Variants in IFRD1 observed in about 807,000 individuals in gnomAD.
IFRD1 encodes interferon related developmental regulator 1.
IFRD1 carries 35 observed loss-of-function variants against 52.9 expected under a neutral mutation model. That is an observed-to-expected ratio of 0.66 (90% CI 0.51 to 0.88). The LOEUF (loss-of-function observed/expected upper bound fraction) is 0.88. Ranked by LOEUF, IFRD1 falls within the 40% of genes least tolerant of loss-of-function variation. IFRD1 has a pLI of 0.00. For missense variants in IFRD1, 517 were observed against 550.8 expected (o/e 0.94, Z 0.61); for synonymous variants, 184 against 188.4 (o/e 0.98, Z 0.19).
Position 112,455,858 on chromosome 7 carries a change from G to A in IFRD1, c.190G>A (p.Ala64Thr), listed in dbSNP as rs1795278731. The change falls in exon 2 of 12, where the codon GCT becomes ACT. Residue 64 changes from alanine (A) to threonine (T), a missense_variant. Coordinates refer to ENST00000403825, the MANE Select transcript of IFRD1 (RefSeq NM_001550.4). ...CSGYSDPSSF[A>T]EDGPEVLDEE... ...TGGTTATAGCGATCCTTCCAGTTTTGCTGAAGATGGTATGAGTTTTAAATT... is the reference window on the plus strand; with the variant it reads ...TGGTTATAGCGATCCTTCCAGTTTTACTGAAGATGGTATGAGTTTTAAATT... 3.1e-6 allele frequency: 5 copies of A among 1,605,674 alleles called. No homozygotes were observed. The highest frequency in any genetic ancestry group is 3.4e-6 in the Non-Finnish European group (4 of 1,172,340).
At chr7:112,436,837 A>C (rs1794708490) in intron 1 of IFRD1, among the ~76,000 whole-genome samples, 1 of 152,182 alleles carries the variant, frequency 6.6e-6, no homozygotes, top group Non-Finnish European at 1.5e-5. Context: ...TACTTGATTA[A>C]GGTCTTATAT....
rs559559708 is a variant in IFRD1, at chr7:112,431,265, A to G, written c.-182+7833A>G. Among the ~76,000 whole-genome samples, 44 of 152,350 alleles carry G rather than the reference A, an allele frequency of 2.9e-4. 1 individual carries two copies. The Middle Eastern group carries it at 0.01, about 35-fold the overall frequency. On this transcript the variant is annotated intron_variant, in intron 1 of 12. Transcript: ENST00000005558. Reference sequence around the variant, plus strand: ...TACTATTGTTTTAACTATATGTCATATTATATATTTTGAATTAAGATTGAT... The same window carrying G: ...TACTATTGTTTTAACTATATGTCATGTTATATATTTTGAATTAAGATTGAT...
intron 1 of IFRD1, among the ~76,000 whole-genome samples, chr7:112,424,531 C>T (rs1383689117): frequency 6.6e-6 from 1 of 151,978 alleles, no homozygotes; most frequent in African/African-American, 2.4e-5. Context: ...TCTCCTGCCT[C>T]AGCCTCCCGA....
intron 1 of IFRD1, among the ~76,000 whole-genome samples, chr7:112,451,482 G>A (rs576547413): frequency 6.6e-6 from 1 of 152,296 alleles, no homozygotes; most frequent in African/African-American, 2.4e-5. Flanking sequence ...GAAGAAACGC[G>A]TTCTCCTTTG....
At position 112,458,919 on chromosome 7, in the gene IFRD1, G is replaced by A. The variant is rs1795360203; in HGVS notation, c.468G>A (p.Leu156=). ...AALASVLCIQ[L]GPGIESEEIL... ...TAGCATCTGTTCTTTGTATTCAGCTGGGCCCTGGAATTGAAAGTGAAGAGA... is the reference window on the plus strand; with the variant it reads ...TAGCATCTGTTCTTTGTATTCAGCTAGGCCCTGGAATTGAAAGTGAAGAGA... The change falls in exon 5 of 12, where the codon CTG becomes CTA. Residue 156 remains leucine, a synonymous_variant. Transcript: ENST00000403825. The A allele has an allele frequency of 6.2e-7, 1 of 1,613,768 alleles. No homozygotes were observed. Among genetic ancestry groups the A allele is most frequent in the African/African-American group, 1.3e-5 (1 of 74,878 alleles).
At chr7:112,424,509 G>T (rs957122779) in intron 1 of IFRD1, among the ~76,000 whole-genome samples, 18 of 151,858 alleles carry the variant, frequency 1.2e-4, no homozygotes, top group African/African-American at 4.4e-4. Flanking sequence ...CCGCCTCCCA[G>T]GTTCAAGCGA....
At chr7:112,454,418 C>G (rs972228651) in intron 1 of IFRD1, among the ~76,000 whole-genome samples, 1 of 152,020 alleles carries the variant, frequency 6.6e-6, no homozygotes, top group South Asian at 2.1e-4. Context: ...GTCTCCAACT[C>G]CTGACCTCAG....
chr7:112,463,853 T>TACACACACACACACAC (rs72284919), intron 8 of IFRD1, among the ~76,000 whole-genome samples: 2 of 43,434 alleles, frequency 4.6e-5, no homozygotes, highest in East Asian at 4.7e-4. Flanking sequence ...CACATTTATA[T>TACACACACACACACAC]ACACACACAC....
rs1461821570 is a variant in IFRD1, at chr7:112,475,665, C to T, written c.*146C>T. 8.0e-6 allele frequency: 5 copies of T among 623,736 alleles called. No individual in the cohort carries two copies. Among genetic ancestry groups the T allele is most frequent in the Non-Finnish European group, 1.4e-5 (5 of 354,616 alleles). 38.6% of individuals were successfully genotyped at this position (623,736 alleles called of 1,614,324 possible). On this transcript the variant is annotated 3_prime_UTR_variant, in exon 12 of 12. Transcript: ENST00000403825. The stretch of plus-strand genomic sequence containing the variant: ...ATTGCTTATAATTTAATGTACAATA[C>T]TATTGAAACTGGTGAGTTCTGATTA...
At chr7:112,430,563 A>G (rs948181967) in intron 1 of IFRD1, among the ~76,000 whole-genome samples, 2 of 152,192 alleles carry the variant, frequency 1.3e-5, no homozygotes, top group African/African-American at 2.4e-5. Context: ...CACAAATGAC[A>G]TGAGCCCTGA....
chr7:112,473,032 GTGTGT>G (rs1795797124), intron 11 of IFRD1, among the ~76,000 whole-genome samples, 171 bp downstream of exon 11: 1 of 50,248 alleles, frequency 2.0e-5, no homozygotes, highest in Non-Finnish European at 6.0e-5. Context: ...TGGGGGGCGT[GTGTGT>G]GTGTGTGTGT....
At chr7:112,465,731 A>G (rs1158556242) in intron 8 of IFRD1, among the ~76,000 whole-genome samples, 1 of 152,164 alleles carries the variant, frequency 6.6e-6, no homozygotes, top group Non-Finnish European at 1.5e-5. Flanking sequence ...TACATGGTGG[A>G]TGCTTGTGAT....
intron 1 of IFRD1, among the ~76,000 whole-genome samples, chr7:112,452,754 T>A (rs1405268949): frequency 1.3e-5 from 2 of 152,242 alleles, no homozygotes; most frequent in African/African-American, 2.4e-5. Context: ...TTTCATCAGC[T>A]TTATTGCTGC....
chr7:112,462,781 T>C (rs1042313985), intron 8 of IFRD1, among the ~76,000 whole-genome samples: 1 of 151,990 alleles, frequency 6.6e-6, no homozygotes, highest in Non-Finnish European at 1.5e-5. Flanking sequence ...AGGTTTGGGA[T>C]GAGATGGGTT....
At chr7:112,465,817 T>A (rs1027943528) in intron 8 of IFRD1, among the ~76,000 whole-genome samples, 4 of 152,196 alleles carry the variant, frequency 2.6e-5, no homozygotes, top group Non-Finnish European at 5.9e-5. Context: ...TTGTGATGGC[T>A]ACACAGATTT....
At chr7:112,447,585 A>G (rs192119593), upstream of IFRD1, among the ~76,000 whole-genome samples, 1 of 152,274 alleles carries the variant, frequency 6.6e-6, no homozygotes, top group East Asian at 1.9e-4. Flanking sequence ...GTTTCTAGGG[A>G]GTGTGGTCTT....
chr7:112,454,014 C>T (rs997837103), intron 1 of IFRD1, among the ~76,000 whole-genome samples: 1 of 152,070 alleles, frequency 6.6e-6, no homozygotes, highest in Non-Finnish European at 1.5e-5. Context: ...CTCACGGTCA[C>T]TTTTGGGGCA....
rs1412955616 is a variant in IFRD1 at position 112,475,463 on chromosome 7, A to G, written c.1300A>G (p.Thr434Ala). Reference sequence around the variant, plus strand: ...TAACTCTGCAGCCTTCAAAGCTCGAACCAAAGCTAGAAGCAAATGTCGAGA... The same window carrying G: ...TAACTCTGCAGCCTTCAAAGCTCGAGCCAAAGCTAGAAGCAAATGTCGAGA... ...LYNSAAFKAR[T>A]KARSKCRDKR... Residue 434 changes from threonine to alanine, a missense_variant, in exon 12 of 12, where the codon ACC becomes GCC. Thr to Ala is a moderately conservative substitution (Grantham distance 58). Transcript: ENST00000403825. 4 of 1,612,664 alleles carry G rather than the reference A, an allele frequency of 2.5e-6. No individual in the cohort carries two copies. In the African/African-American group the frequency reaches 5.3e-5, roughly 22 times the overall value.
intron 4 of IFRD1, chr7:112,457,917 A>T (rs1184857566): frequency 1.3e-5 from 2 of 152,296 alleles, no homozygotes; most frequent in South Asian, 4.1e-4. Flanking sequence ...TGAGAGTAAA[A>T]ATTTTGTTGT....
Sources: allele counts gnomAD v4.1 joint callset (sites outside exome capture counted in the v4.1 genomes callset), GRCh38; gene constraint gnomAD v4.1.1; transcripts MANE v1.5; gene names NCBI Gene and HGNC (gene_info 2026-07-23, HGNC 2026-07-21).